Variants in UNC5C observed in about 807,000 individuals in gnomAD.
UNC5C encodes netrin receptor UNC5C.
In UNC5C, 47 loss-of-function variants were observed where a neutral mutation model predicts 99.8. The observed-to-expected ratio is 0.47, with a 90% CI of 0.37 to 0.60. The LOEUF is 0.60. Among genes scored for constraint, UNC5C ranks in the 20% least tolerant of loss-of-function variants. The pLI, the probability that UNC5C is intolerant of heterozygous loss-of-function variation, is 0.00. For synonymous variants in UNC5C, 487 were observed against 452.2 expected, an observed-to-expected ratio of 1.08 and a Z score of -0.98; for missense variants, 1,062 against 1,165.9, an observed-to-expected ratio of 0.91 and a Z score of 1.30.
chr4:95,431,979 C>A (rs182668312), intron 1 of UNC5C, among the ~76,000 whole-genome samples: 1 of 152,046 alleles, frequency 6.6e-6, no homozygotes, highest in Non-Finnish European at 1.5e-5. Flanking sequence ...ATCTCAAGCA[C>A]AAGAACAGAA....
At chr4:95,395,441 G>A (rs1023059241) in intron 1 of UNC5C, among the ~76,000 whole-genome samples, 1 of 152,028 alleles carries the variant, frequency 6.6e-6, no homozygotes, top group Non-Finnish European at 1.5e-5. Flanking sequence ...CCTTTAAATA[G>A]TGCTTGAGAG....
chr4:95,487,597 A>C (rs1321943960), intron 1 of UNC5C, among the ~76,000 whole-genome samples: 1 of 151,776 alleles, frequency 6.6e-6, no homozygotes, highest in Non-Finnish European at 1.5e-5. Context: ...ACACTACTAT[A>C]AATACTTATG....
At chr4:95,239,628 T>C (rs1006136499) in intron 7 of UNC5C, among the ~76,000 whole-genome samples, 3 of 152,172 alleles carry the variant, frequency 2.0e-5, no homozygotes, top group African/African-American at 7.2e-5. Flanking sequence ...CATTTGAGGA[T>C]TTCTCTAATT....
intron 14 of UNC5C, among the ~76,000 whole-genome samples, chr4:95,176,554 C>T (rs1269593430): frequency 2.7e-5 from 4 of 150,916 alleles, no homozygotes; most frequent in South Asian, 4.2e-4. Context: ...TTAGGCTGCT[C>T]AGGGGTAGGG....
chr4:95,446,808 G>A (rs999868959), intron 1 of UNC5C, among the ~76,000 whole-genome samples: 1 of 151,084 alleles, frequency 6.6e-6, no homozygotes, highest in African/African-American at 2.4e-5. Context: ...TTCATTTTCT[G>A]CGATTATCTG....
intron 1 of UNC5C, among the ~76,000 whole-genome samples, chr4:95,364,044 T>C (rs754654034): frequency 1.1e-4 from 17 of 152,230 alleles, no homozygotes; most frequent in East Asian, 1.9e-4. Context: ...CTTGACTGCA[T>C]GTTCAAAATG....
At chr4:95,377,713 G>A (rs1488484115) in intron 1 of UNC5C, among the ~76,000 whole-genome samples, 1 of 152,132 alleles carries the variant, frequency 6.6e-6, no homozygotes, top group African/African-American at 2.4e-5. Flanking sequence ...AGGAGTGGGA[G>A]TCTGGGTGGT....
In UNC5C at chr4:95,321,297, A is replaced by G. The variant is rs376426800; in HGVS notation, c.346+14113T>C. ...TAACAATAAAAATAAAAACTTCATG[A>G]CAACAATAGATTAGAAACAAAAAGA... On this transcript the variant is annotated intron_variant, in intron 2 of 15. Transcript: ENST00000453304. Among the ~76,000 whole-genome samples, 31 of 152,350 alleles carry G rather than the reference A, an allele frequency of 2.0e-4. No individual in the cohort carries two copies. In the South Asian group the frequency reaches 6.2e-3, roughly 31 times the overall value.
intron 2 of UNC5C, among the ~76,000 whole-genome samples, chr4:95,310,247 A>G (rs529107814): frequency 6.6e-6 from 1 of 152,326 alleles, no homozygotes; most frequent in South Asian, 2.1e-4. Flanking sequence ...GTGAAACCAT[A>G]GAAGCAGAGC....
At chr4:95,288,463 C>G (rs1210949611) in intron 3 of UNC5C, among the ~76,000 whole-genome samples, 1 of 152,204 alleles carries the variant, frequency 6.6e-6, no homozygotes, top group African/African-American at 2.4e-5. Flanking sequence ...TGGATTACTC[C>G]ATGATGTGAA....
In UNC5C at chr4:95,548,748, C is replaced by A. The variant is rs2306715; in HGVS notation, c.110G>T (p.Gly37Val). The A allele has an allele frequency of 1.7e-5, 27 of 1,612,648 alleles. No individual in the cohort carries two copies. In the East Asian group the frequency reaches 5.1e-4, roughly 31 times the overall value. The change falls in exon 1 of 16, where the codon GGC (glycine) becomes GTC (valine). Residue 37 changes from glycine to valine, a missense_variant. Physicochemically the swap from Gly to Val is moderately radical, Grantham distance 109 (BLOSUM62 -3). Coordinates refer to ENST00000453304, the MANE Select transcript of UNC5C (RefSeq NM_003728.4). Reference sequence around the variant, plus strand: ...GACCCCCTTACCTTGGGCGGCGGAGCCAGTGCCGCTGGCGCTGAGCAGGGC... The same window carrying A: ...GACCCCCTTACCTTGGGCGGCGGAGACAGTGCCGCTGGCGCTGAGCAGGGC... ...ALALLSASGTGSAAQDDDFFH... is the reference protein window; with the variant it reads ...ALALLSASGTVSAAQDDDFFH...
chr4:95,525,736 G>A (rs747029663), intron 1 of UNC5C, among the ~76,000 whole-genome samples: 1 of 151,250 alleles, frequency 6.6e-6, no homozygotes, highest in Non-Finnish European at 1.5e-5. Flanking sequence ...TTCTGTTGTT[G>A]TATAGAGTAA....
rs1244784722 is a variant in UNC5C at position 95,275,517 on chromosome 4, A to G, written c.594+2742T>C. Among the ~76,000 whole-genome samples, 3 of 152,188 alleles carry G rather than the reference A, an allele frequency of 2.0e-5. No individual in the cohort carries two copies. The East Asian group carries it at 5.8e-4, about 29-fold the overall frequency. On this transcript the variant is annotated intron_variant, in intron 4 of 15. Coordinates refer to ENST00000453304, the MANE Select transcript of UNC5C (RefSeq NM_003728.4). ...ATTTAAATACTTTGGCCAAAGTAAA[A>G]AATGGTGATGTTTGGGTTTGAACCT...
At chr4:95,332,523 G>T (rs1163696351) in intron 2 of UNC5C, among the ~76,000 whole-genome samples, 2 of 151,580 alleles carry the variant, frequency 1.3e-5, no homozygotes, top group Non-Finnish European at 2.9e-5. Flanking sequence ...GCCATATGTA[G>T]AAAGCTGAAA....
intron 4 of UNC5C, among the ~76,000 whole-genome samples, chr4:95,260,428 C>T (rs1363326319): frequency 6.6e-6 from 1 of 152,158 alleles, no homozygotes; most frequent in African/African-American, 2.4e-5. Context: ...ATTCATTTAG[C>T]CTTCTGAGCT....
Position 95,206,781 on chromosome 4 carries a change from G to A in UNC5C, c.1749C>T (p.Asp583=). The A allele has an allele frequency of 1.2e-6, 2 of 1,605,094 alleles. No homozygotes were observed. Among genetic ancestry groups the A allele is most frequent in the Non-Finnish European group, 8.5e-7 (1 of 1,175,972 alleles). ...CCACAGGGGTCAAAAGTGTCTGAGA[G>A]TCATCCATGGGTGGCCTAGGAGGAG... ...RKETMRPPMD[D]SQTLLTPVVS... Residue 583 remains aspartate, a synonymous_variant, in exon 11 of 16, where the codon GAC becomes GAT. Transcript: ENST00000453304.
chr4:95,362,532 C>G (rs1176293533), intron 1 of UNC5C, among the ~76,000 whole-genome samples: 1 of 152,094 alleles, frequency 6.6e-6, no homozygotes, highest in Non-Finnish European at 1.5e-5. Context: ...TGTGATGGAG[C>G]CAGATGGGTC....
At chr4:95,494,912 A>G (rs763046337) in intron 1 of UNC5C, among the ~76,000 whole-genome samples, 10 of 151,438 alleles carry the variant, frequency 6.6e-5, no homozygotes, top group Non-Finnish European at 1.3e-4. Context: ...AAATTTTAAT[A>G]ACATTTAATA....
At chr4:95,545,897 T>C (rs1485108381) in intron 1 of UNC5C, among the ~76,000 whole-genome samples, 1 of 152,204 alleles carries the variant, frequency 6.6e-6, no homozygotes, top group Non-Finnish European at 1.5e-5. Context: ...AATTAGGGCA[T>C]AGCCAGAAAG....
Sources: gnomAD v4.1 joint callset for allele counts (sites outside exome capture counted in the v4.1 genomes callset) on GRCh38, gnomAD v4.1.1 for gene constraint, MANE v1.5 for transcripts, NCBI Gene and HGNC (gene_info 2026-07-23, HGNC 2026-07-21) for gene names.